The following ACTR2 variants were observed in gnomAD, a reference collection of about 807,000 sequenced individuals.
ACTR2 encodes the protein actin related protein 2, also known as actin-related protein 2.
A neutral mutation model predicts 50.2 loss-of-function variants in ACTR2; 5 were observed. The observed-to-expected ratio is 0.10, with a 90% CI of 0.05 to 0.21. The LOEUF (loss-of-function observed/expected upper bound fraction) is 0.21. Among genes scored for constraint, ACTR2 ranks in the 10% least tolerant of loss-of-function variants. The pLI is 1.00. For synonymous variants in ACTR2, 140 were observed against 162.9 expected (o/e 0.86, Z 1.07); for missense variants, 180 against 480.6 (o/e 0.37, Z 5.85).
At chr2:65,260,210 T>G (rs1672241117) in intron 6 of ACTR2, among the ~76,000 whole-genome samples, 1 of 152,320 alleles carries the variant, frequency 6.6e-6, no homozygotes, top group African/African-American at 2.4e-5. Flanking sequence ...ATAAAATTAT[T>G]TAAAATGTTT....
At chr2:65,238,718 A>G (rs1299030522) in intron 1 of ACTR2, among the ~76,000 whole-genome samples, 1 of 151,500 alleles carries the variant, frequency 6.6e-6, no homozygotes, top group African/African-American at 2.4e-5. Context: ...CTGCAATCCC[A>G]GCACTTTGGG....
chr2:65,266,258 A>C (rs150584946), intron 8 of ACTR2, among the ~76,000 whole-genome samples: 1 of 152,182 alleles, frequency 6.6e-6, no homozygotes, highest in Non-Finnish European at 1.5e-5. Flanking sequence ...TTGGGGAGGT[A>C]GTGTGCTCCT....
chr2:65,268,814 G>C lies in ACTR2; in HGVS notation c.*80G>C, dbSNP rs1392108232. Reference sequence around the variant, plus strand: ...CAATCTTTGAACTCATTCAACTCCAGGACATGGAAGAGGCCTCTCTCTGCC... The same window carrying C: ...CAATCTTTGAACTCATTCAACTCCACGACATGGAAGAGGCCTCTCTCTGCC... On this transcript the variant is annotated 3_prime_UTR_variant, in exon 9 of 9. Transcript: ENST00000260641. 1.4e-6 allele frequency: 2 copies of C among 1,447,968 alleles called. No individual in the cohort carries two copies. The highest frequency in any genetic ancestry group is 1.9e-6 in the Non-Finnish European group (2 of 1,062,434). The allele number at this position is 1,447,968 out of a possible 1,614,324, so 89.7% of individuals were successfully genotyped here.
intron 8 of ACTR2, among the ~76,000 whole-genome samples, chr2:65,265,934 C>T (rs549481416): frequency 5.7e-4 from 87 of 152,154 alleles, no homozygotes; most frequent in Non-Finnish European, 1.0e-3. Flanking sequence ...TCATATATGA[C>T]TCATTGTTGA....
Position 65,227,963 on chromosome 2 carries a change from G to A in ACTR2, c.48+6G>A. ...TGTGCGACAACGGCACCGGGGTAAG[G>A]GCCGCGCGAGGAGGCCTTGGCGGCC... is the stretch of plus-strand genomic sequence containing the variant. On this transcript the variant is annotated splice_donor_region_variant and intron_variant, in intron 1 of 8. Coordinates refer to ENST00000260641, the MANE Select transcript of ACTR2 (RefSeq NM_005722.4). The A allele has an allele frequency of 1.3e-6, 2 of 1,505,042 alleles. No homozygotes were observed. Among genetic ancestry groups the A allele is most frequent in the Non-Finnish European group, 1.8e-6 (2 of 1,128,448 alleles). 93.2% of individuals were successfully genotyped at this position (1,505,042 alleles called of 1,614,324 possible). A position where few individuals can be genotyped will look rare whatever the true frequency, so the allele number is the denominator to read the frequency against.
At chr2:65,248,320 A>AG (rs1318515639) in intron 3 of ACTR2, among the ~76,000 whole-genome samples, 130 of 152,246 alleles carry the variant, frequency 8.5e-4, no homozygotes, top group African/African-American at 3.1e-3. Context: ...GAATCGCTTG[A>AG]ACCCAGGAGG....
intron 1 of ACTR2, among the ~76,000 whole-genome samples, chr2:65,239,554 A>G (rs1429328909): frequency 3.9e-5 from 6 of 152,234 alleles, no homozygotes; most frequent in African/African-American, 7.2e-5. Flanking sequence ...TCTGTTAGGT[A>G]TTGGATTCCA....
chr2:65,263,662 T>G (rs1465532613), intron 7 of ACTR2, among the ~76,000 whole-genome samples: 2 of 152,228 alleles, frequency 1.3e-5, no homozygotes, highest in African/African-American at 4.8e-5. Flanking sequence ...GAATCTAGCC[T>G]TCATAATTAT....
intron 3 of ACTR2, 99 bp from the exon 4 acceptor site, chr2:65,250,928 A>G (rs948840745): frequency 9.9e-6 from 7 of 705,412 alleles, no homozygotes; most frequent in African/African-American, 9.3e-5. Context: ...ATTTGATTCT[A>G]TTTTGGGCAA....
chr2:65,249,011 T>G (rs902799846), intron 3 of ACTR2, among the ~76,000 whole-genome samples: 5 of 146,874 alleles, frequency 3.4e-5, no homozygotes, highest in Admixed American at 3.3e-4. Context: ...AGACTCTGTC[T>G]CAAAAAGAAA....
At chr2:65,255,078 G>A (rs145239643) in intron 5 of ACTR2, among the ~76,000 whole-genome samples, 4 of 151,996 alleles carry the variant, frequency 2.6e-5, no homozygotes, top group East Asian at 1.9e-4. Flanking sequence ...CTTATCATTC[G>A]TTAAACAAAT....
At chr2:65,263,181 C>A (rs1466394136) in intron 7 of ACTR2, among the ~76,000 whole-genome samples, 1 of 151,048 alleles carries the variant, frequency 6.6e-6, no homozygotes, top group Non-Finnish European at 1.5e-5. Flanking sequence ...CAGACGTGAG[C>A]CACCACGCCC....
rs72892697 is a variant in ACTR2 at position 65,265,768 on chromosome 2, C to G, written c.1014+593C>G. On this transcript the variant is annotated intron_variant, in intron 8 of 8. Coordinates refer to ENST00000260641, the MANE Select transcript of ACTR2 (RefSeq NM_005722.4). The stretch of plus-strand genomic sequence containing the variant: ...GGCATAGGTTTTTGTGTTTTTTCCA[C>G]CAGACTCTGGACTATGTGAAGTATA... Among the ~76,000 whole-genome samples the G allele has an allele frequency of 7.3e-3, 1,111 of 152,250 alleles. 26 individuals are homozygous for G. Among genetic ancestry groups the G allele is most frequent in the African/African-American group, 0.025 (1,024 of 41,528 alleles).
Position 65,255,391 on chromosome 2 carries a change from C to T in ACTR2, c.586-154C>T, listed in dbSNP as rs114560961. Among the ~76,000 whole-genome samples the T allele has an allele frequency of 5.9e-3, 904 of 152,192 alleles. 3 individuals carry two copies. The highest frequency in any genetic ancestry group is 0.02 in the Middle Eastern group (6 of 294). On this transcript the variant is annotated intron_variant, in intron 5 of 8. Coordinates refer to ENST00000260641, the MANE Select transcript of ACTR2 (RefSeq NM_005722.4). ...AACTGAAATATAAATCCTTTTATGG[C>T]GGATAAAATCCTGCTTCTGAAATAG...
intron 3 of ACTR2, among the ~76,000 whole-genome samples, chr2:65,247,647 T>A (rs1558623941): frequency 6.6e-6 from 1 of 151,986 alleles, no homozygotes; most frequent in Admixed American, 6.6e-5. Context: ...TGGATGTAGA[T>A]CATCATAAAG....
intron 6 of ACTR2, among the ~76,000 whole-genome samples, chr2:65,260,614 A>T (rs1190926877): frequency 6.6e-6 from 1 of 152,172 alleles, no homozygotes; most frequent in East Asian, 1.9e-4. Context: ...TACCAGCAAT[A>T]ATCAAAATAC....
chr2:65,253,843 T>G lies in ACTR2; in HGVS notation c.564T>G (p.Asp188Glu). Reference protein sequence around the residue: ...LTRRLDIAGRDITRYLIKLLL... With the variant: ...LTRRLDIAGREITRYLIKLLL... Reference sequence around the variant, plus strand: ...GGAGACTGGATATTGCTGGGAGGGATATAACTAGATATCTTATCAAGGTAA... The same window carrying G: ...GGAGACTGGATATTGCTGGGAGGGAGATAACTAGATATCTTATCAAGGTAA... The change falls in exon 5 of 9, where the codon GAT becomes GAG. Residue 188 changes from aspartate to glutamate, a missense_variant. Asp to Glu is a conservative substitution (Grantham distance 45). Coordinates refer to ENST00000260641, the MANE Select transcript of ACTR2 (RefSeq NM_005722.4). The G allele has an allele frequency of 6.2e-7, 1 of 1,611,900 alleles. No individual in the cohort carries two copies. The highest frequency in any genetic ancestry group is 8.5e-7 in the Non-Finnish European group (1 of 1,178,528).
intron 4 of ACTR2, among the ~76,000 whole-genome samples, chr2:65,253,287 C>G (rs1440833572): frequency 2.0e-5 from 3 of 151,872 alleles, no homozygotes; most frequent in Non-Finnish European, 2.9e-5. Flanking sequence ...AAAAAAATTA[C>G]AAAAATTAGC....
At chr2:65,239,816 A>G in intron 1 of ACTR2, 36 bp from the exon 2 acceptor site, 2 of 1,233,550 alleles carry the variant, frequency 1.6e-6, no homozygotes, top group Non-Finnish European at 2.4e-6. Context: ...AAATATCCTG[A>G]TGCTAACCCA....
Sources: gnomAD v4.1 joint callset for allele counts (sites outside exome capture counted in the v4.1 genomes callset) on GRCh38, gnomAD v4.1.1 for gene constraint, MANE v1.5 for transcripts, NCBI Gene and HGNC (gene_info 2026-07-23, HGNC 2026-07-21) for gene names.